Variants in PPP4R1 observed in about 807,000 individuals in gnomAD.
PPP4R1 encodes serine/threonine-protein phosphatase 4 regulatory subunit 1.
In PPP4R1, 42 loss-of-function variants were observed where a neutral mutation model predicts 111.2. The ratio of observed to expected loss-of-function variants is 0.38; its 90% CI spans 0.29 to 0.49. The LOEUF (loss-of-function observed/expected upper bound fraction) is 0.49. Among genes scored for constraint, PPP4R1 ranks in the 20% least tolerant of loss-of-function variants. The pLI is 0.97. For synonymous variants in PPP4R1, 409 were observed against 405.5 expected, an observed-to-expected ratio of 1.01 and a Z score of -0.10; for missense variants, 1,012 against 1,161.6, an observed-to-expected ratio of 0.87 and a Z score of 1.87.
rs1258004598 is a variant in PPP4R1, at chr18:9,573,445, T to C, written c.1047-2762A>G. Among the ~76,000 whole-genome samples, 6 of 152,212 alleles carry C rather than the reference T, an allele frequency of 3.9e-5. No homozygotes were observed. In the South Asian group the frequency reaches 8.3e-4, roughly 21 times the overall value. On this transcript the variant is annotated intron_variant, in intron 10 of 19. Transcript: ENST00000400556. ...AATCTACATGGATATATGAAGTTCT[T>C]TGTGATATCCTTGCAAAATTTCTGA...
At chr18:9,596,489 A>C (rs2067292360) in intron 2 of PPP4R1, among the ~76,000 whole-genome samples, 1 of 152,224 alleles carries the variant, frequency 6.6e-6, no homozygotes, top group East Asian at 1.9e-4. Context: ...TGAGGACAGA[A>C]ATTTTTATCC....
At chr18:9,611,206 C>G (rs1269943356) in intron 2 of PPP4R1, among the ~76,000 whole-genome samples, 1 of 152,110 alleles carries the variant, frequency 6.6e-6, no homozygotes, top group Non-Finnish European at 1.5e-5. Flanking sequence ...CAATTTCTTC[C>G]CATCCCAAGG....
At chr18:9,606,332 CACTT>C (rs2067481708) in intron 2 of PPP4R1, among the ~76,000 whole-genome samples, 1 of 152,184 alleles carries the variant, frequency 6.6e-6, no homozygotes, top group South Asian at 2.1e-4. Context: ...TATTGGATGA[CACTT>C]ACTTTCATTC....
chr18:9,577,263 A>G, intron 9 of PPP4R1, 72 bp from the exon 10 acceptor site: 1 of 1,423,690 alleles, frequency 7.0e-7, no homozygotes, highest in Non-Finnish European at 9.6e-7. Context: ...CATTATGTAT[A>G]TTTAATAATC....
intron 15 of PPP4R1, among the ~76,000 whole-genome samples, chr18:9,554,216 C>T (rs2066533210): frequency 6.6e-6 from 1 of 151,742 alleles, no homozygotes; most frequent in Non-Finnish European, 1.5e-5. Flanking sequence ...CAACCTCCAC[C>T]TCCCAGGTTC....
At chr18:9,592,349 A>G (rs776527863) in intron 4 of PPP4R1, among the ~76,000 whole-genome samples, 1 of 152,110 alleles carries the variant, frequency 6.6e-6, no homozygotes, top group Non-Finnish European at 1.5e-5. Flanking sequence ...TCCTTTCTCT[A>G]TCTTTTCCCC....
intron 2 of PPP4R1, among the ~76,000 whole-genome samples, chr18:9,598,642 G>C (rs1450959248): frequency 2.6e-5 from 4 of 152,002 alleles, no homozygotes; most frequent in Non-Finnish European, 4.4e-5. Flanking sequence ...ATGCACTATA[G>C]GAAATAATAA....
chr18:9,576,586 C>T (rs2066938943), intron 10 of PPP4R1, among the ~76,000 whole-genome samples: 2 of 152,008 alleles, frequency 1.3e-5, no homozygotes, highest in Admixed American at 1.3e-4. Context: ...ATTACAATCA[C>T]CATTGACAAA....
intron 14 of PPP4R1, among the ~76,000 whole-genome samples, chr18:9,558,728 A>C (rs1409555985): frequency 6.7e-6 from 1 of 149,506 alleles, no homozygotes; most frequent in East Asian, 1.9e-4. Flanking sequence ...TAACTGAGAG[A>C]TCAACTTCAC....
At chr18:9,565,318 T>C (rs2066748039) in intron 11 of PPP4R1, among the ~76,000 whole-genome samples, 1 of 152,146 alleles carries the variant, frequency 6.6e-6, no homozygotes, top group South Asian at 2.1e-4. Flanking sequence ...CTCTCCTGTC[T>C]CCCTATTCCC....
At chr18:9,573,250 A>G (rs1441507900) in intron 10 of PPP4R1, among the ~76,000 whole-genome samples, 4 of 152,234 alleles carry the variant, frequency 2.6e-5, no homozygotes. Context: ...GTATTGTATC[A>G]ATGTTAATTT....
intron 15 of PPP4R1, among the ~76,000 whole-genome samples, chr18:9,555,820 T>C (rs1013518596): frequency 1.3e-5 from 2 of 151,982 alleles, no homozygotes; most frequent in Non-Finnish European, 1.5e-5. Context: ...AGAAAAACTA[T>C]AAAGGACAAT....
In PPP4R1 at chr18:9,614,294, G is replaced by T; in HGVS notation, c.8-24C>A. 1 of 1,269,948 alleles carries T rather than the reference G, an allele frequency of 7.9e-7. No individual in the cohort carries two copies. The highest frequency in any genetic ancestry group is 1.0e-6 in the Non-Finnish European group (1 of 995,744). The allele number at this position is 1,269,948 out of a possible 1,614,324, so 78.7% of individuals were successfully genotyped here. On this transcript the variant is annotated intron_variant, in intron 1 of 19. Transcript: ENST00000400556. This position sits in a 1 kb window ranked among gnomAD's most constrained non-coding sequence, Gnocchi z 4.1. The stretch of plus-strand genomic sequence containing the variant: ...GTCTGCGCCGAGGGGAGAGAAGAAA[G>T]GCCCGGTCAGCGCCCCGGGGCCCGG...
chr18:9,575,422 T>C (rs1489193826), intron 10 of PPP4R1, among the ~76,000 whole-genome samples: 1 of 152,236 alleles, frequency 6.6e-6, no homozygotes, highest in Non-Finnish European at 1.5e-5. Context: ...GGACTACTTC[T>C]TTATAGTTTG....
intron 2 of PPP4R1, among the ~76,000 whole-genome samples, chr18:9,609,907 T>C (rs948120924): frequency 1.3e-5 from 2 of 152,252 alleles, no homozygotes; most frequent in Non-Finnish European, 2.9e-5. Flanking sequence ...GAGTTTTGTT[T>C]CTTTAGTCCC....
rs71358236 is a variant in PPP4R1, at chr18:9,555,997, C to CAAA, written c.2190+1221_2190+1223dup. On this transcript the variant is annotated intron_variant, in intron 15 of 19. Coordinates refer to ENST00000400556, the MANE Select transcript of PPP4R1 (RefSeq NM_001042388.3). ...TAAAACAAACAAACAAACAAACAAA[C>CAAA]AAAAAAACACAAAATCGGCCGGGCT... Among the ~76,000 whole-genome samples the CAAA allele has an allele frequency of 3.7e-3, 504 of 136,910 alleles. 5 individuals are homozygous for CAAA. Among genetic ancestry groups the CAAA allele is most frequent in the Non-Finnish European group, 5.4e-3 (342 of 63,634 alleles). 89.8% of individuals were successfully genotyped at this position (136,910 alleles called of 152,430 possible).
intron 5 of PPP4R1, among the ~76,000 whole-genome samples, 174 bp from the exon 6 acceptor site, chr18:9,588,409 T>C (rs928120683): frequency 6.6e-6 from 1 of 152,232 alleles, no homozygotes; most frequent in Non-Finnish European, 1.5e-5. Flanking sequence ...CAGAACTTCG[T>C]AGATTGTGCT....
At chr18:9,555,175 C>T (rs1389264307) in intron 15 of PPP4R1, among the ~76,000 whole-genome samples, 1 of 151,992 alleles carries the variant, frequency 6.6e-6, no homozygotes, top group African/African-American at 2.4e-5. Flanking sequence ...TGGTGGTGCG[C>T]CTGTGGCCCC....
intron 12 of PPP4R1, among the ~76,000 whole-genome samples, chr18:9,562,632 A>G (rs1274465018): frequency 6.6e-6 from 1 of 152,228 alleles, no homozygotes; most frequent in Non-Finnish European, 1.5e-5. Context: ...ACCACATGCC[A>G]TCCAACAGAA....
Sources: gnomAD v4.1 joint callset for allele counts (sites outside exome capture counted in the v4.1 genomes callset) on GRCh38, gnomAD v4.1.1 for gene constraint, Gnocchi (gnomAD v3.1) non-coding constraint, MANE v1.5 for transcripts, NCBI Gene and HGNC (gene_info 2026-07-23, HGNC 2026-07-21) for gene names.